Variants in FAM228B observed in about 807,000 individuals in gnomAD.
The protein encoded by FAM228B is protein FAM228B.
A neutral mutation model predicts 42.6 loss-of-function variants in FAM228B; 38 were observed. The observed-to-expected ratio is 0.89, with a 90% CI of 0.69 to 1.17. The LOEUF (loss-of-function observed/expected upper bound fraction) is 1.17. Ranked by LOEUF, FAM228B falls within the 50% of genes most tolerant of loss-of-function variation. FAM228B has a pLI of 0.00. For missense variants in FAM228B, 344 were observed against 367.3 expected (o/e 0.94, Z 0.52); for synonymous variants, 109 against 122.3 (o/e 0.89, Z 0.72).
At position 24,136,053 on chromosome 2, in the gene FAM228B, C is replaced by CTTTT. The variant is rs5829917; in HGVS notation, c.168+889_168+892dup. On this transcript the variant is annotated intron_variant, in intron 3 of 10. Transcript: ENST00000615575. Reference sequence around the variant, plus strand: ...TCCCTTCTCTTCCTGGATAACCCTTCTTTTTTTTTTTTTTTTTTTTTTTTT... The same window carrying CTTTT: ...TCCCTTCTCTTCCTGGATAACCCTTCTTTTTTTTTTTTTTTTTTTTTTTTTTTTT... Among the ~76,000 whole-genome samples the CTTTT allele has an allele frequency of 5.0e-4, 18 of 35,814 alleles. 2 individuals carry two copies. The highest frequency in any genetic ancestry group is 3.8e-3 in the South Asian group (2 of 522). 23.5% of individuals were successfully genotyped at this position (35,814 alleles called of 152,430 possible). A position where few individuals can be genotyped will look rare whatever the true frequency, so the allele number is the denominator to read the frequency against.
At chr2:24,082,264 G>A (rs192173733) in intron 2 of FAM228B, among the ~76,000 whole-genome samples, 14 of 152,330 alleles carry the variant, frequency 9.2e-5, no homozygotes, top group African/African-American at 3.4e-4. Context: ...GATTATAGGT[G>A]TGAGCCACCT....
chr2:24,096,104 C>T (rs536046689), intron 3 of FAM228B: 1 of 152,172 alleles, frequency 6.6e-6, no homozygotes, highest in South Asian at 2.1e-4. Flanking sequence ...AAAAGGTCAT[C>T]TACACCAAAA....
intron 1 of FAM228B, among the ~76,000 whole-genome samples, chr2:24,078,480 TAAAAA>T (rs36089798): frequency 1.4e-4 from 15 of 104,916 alleles, no homozygotes; most frequent in Admixed American, 7.1e-4. Context: ...CCTGTCTCCA[TAAAAA>T]AAAAAAAAAA....
Position 24,125,752 on chromosome 2 carries a change from G to A in FAM228B, c.99+1292G>A, listed in dbSNP as rs533518361. Among the ~76,000 whole-genome samples the A allele has an allele frequency of 2.5e-4, 38 of 152,048 alleles. 3 individuals are homozygous for A. The highest frequency in any genetic ancestry group is 9.2e-4 in the African/African-American group (38 of 41,484). On this transcript the variant is annotated intron_variant, in intron 2 of 10. Coordinates refer to ENST00000615575, the MANE Select transcript of FAM228B (RefSeq NM_001145710.2). ...ATTTTTTTGGATTTTTAGTAGAGACGGGGTTTCACCATGTTGGCCAGGCTG... is the reference window on the plus strand; with the variant it reads ...ATTTTTTTGGATTTTTAGTAGAGACAGGGTTTCACCATGTTGGCCAGGCTG...
intron 3 of FAM228B, among the ~76,000 whole-genome samples, chr2:24,118,353 C>A (rs1419057167): frequency 2.0e-5 from 3 of 152,198 alleles, no homozygotes; most frequent in Admixed American, 6.5e-5. Context: ...TATATAGTTT[C>A]TGTGATAAAC....
intron 5 of FAM228B, among the ~76,000 whole-genome samples, chr2:24,142,082 G>A (rs1320674723): frequency 6.6e-6 from 1 of 152,144 alleles, no homozygotes; most frequent in African/African-American, 2.4e-5. Flanking sequence ...CTGGGTTCCT[G>A]GCGCCCTGCT....
At chr2:24,137,040 T>C (rs1174968755) in intron 3 of FAM228B, among the ~76,000 whole-genome samples, 2 of 152,214 alleles carry the variant, frequency 1.3e-5, no homozygotes, top group Non-Finnish European at 2.9e-5. Context: ...CATTTGTGTC[T>C]GACTTATTTC....
At chr2:24,107,946 G>C (rs1665726759) in intron 3 of FAM228B, among the ~76,000 whole-genome samples, 1 of 152,160 alleles carries the variant, frequency 6.6e-6, no homozygotes, top group Non-Finnish European at 1.5e-5. Context: ...AAAGGAAATT[G>C]AGACACAAAA....
intron 2 of FAM228B, among the ~76,000 whole-genome samples, chr2:24,092,925 C>CAT: frequency 1.5e-4 from 1 of 6,532 alleles, no homozygotes; most frequent in South Asian, 7.7e-3. Flanking sequence ...TGATTTTATG[C>CAT]ACACACACAC....
intron 7 of FAM228B, among the ~76,000 whole-genome samples, chr2:24,150,029 T>C (rs535418180): frequency 7.9e-5 from 12 of 152,360 alleles, no homozygotes; most frequent in Admixed American, 3.9e-4. Context: ...CTTCTTGTTG[T>C]TCCTCTTTGT....
chr2:24,141,622 C>T (rs1203913777), intron 5 of FAM228B, among the ~76,000 whole-genome samples: 1 of 152,194 alleles, frequency 6.6e-6, no homozygotes, highest in Non-Finnish European at 1.5e-5. Context: ...TCGTGATCCG[C>T]CCGCCTTGGC....
At chr2:24,140,456 C>T (rs1329746651) in intron 5 of FAM228B, among the ~76,000 whole-genome samples, 1 of 152,060 alleles carries the variant, frequency 6.6e-6, no homozygotes, top group East Asian at 1.9e-4. Flanking sequence ...GGATTACAGG[C>T]TTGAGCCACT....
At chr2:24,158,613 G>A (rs1196389072) in intron 7 of FAM228B, among the ~76,000 whole-genome samples, 1 of 152,070 alleles carries the variant, frequency 6.6e-6, no homozygotes, top group Non-Finnish European at 1.5e-5. Context: ...TAGGACTGGA[G>A]GTTGGAGATC....
chr2:24,117,493 A>G (rs192656399), intron 3 of FAM228B, among the ~76,000 whole-genome samples: 379 of 149,366 alleles, frequency 2.5e-3, no homozygotes, highest in African/African-American at 9.2e-3. Context: ...CCCAGGCTGG[A>G]GTGCAATGGC....
At chr2:24,159,387 C>T (rs1667237156) in intron 7 of FAM228B, among the ~76,000 whole-genome samples, 1 of 152,100 alleles carries the variant, frequency 6.6e-6, no homozygotes, top group South Asian at 2.1e-4. Context: ...ATGTGATATG[C>T]ACATATTATT....
chr2:24,103,796 C>T (rs1458258673), intron 3 of FAM228B, among the ~76,000 whole-genome samples: 1 of 152,180 alleles, frequency 6.6e-6, no homozygotes, highest in Non-Finnish European at 1.5e-5. Context: ...GGGTCTACAG[C>T]TCACAGAACT....
intron 2 of FAM228B, among the ~76,000 whole-genome samples, chr2:24,092,974 C>T (rs1373459561): frequency 2.1e-5 from 3 of 139,598 alleles, no homozygotes; most frequent in East Asian, 4.4e-4. Context: ...ACACCATGTA[C>T]AGAGGCTACC....
intron 3 of FAM228B, among the ~76,000 whole-genome samples, chr2:24,101,961 C>G (rs542603205): frequency 1.6e-4 from 25 of 152,272 alleles, no homozygotes; most frequent in Admixed American, 1.5e-3. Context: ...GGATTACAGG[C>G]GTGAGCTACC....
intron 5 of FAM228B, among the ~76,000 whole-genome samples, chr2:24,143,271 C>T (rs1181244279): frequency 1.3e-5 from 2 of 152,130 alleles, no homozygotes; most frequent in African/African-American, 4.8e-5. Context: ...ACCTCCGCCT[C>T]CCGGGTTCAC....
Sources: allele counts gnomAD v4.1 joint callset (sites outside exome capture counted in the v4.1 genomes callset), GRCh38; gene constraint gnomAD v4.1.1; transcripts MANE v1.5; gene names NCBI Gene and HGNC (gene_info 2026-07-23, HGNC 2026-07-21).